Variants in ATRNL1 observed in about 807,000 individuals in gnomAD.
ATRNL1 encodes attractin like 1.
In ATRNL1, 95 loss-of-function variants were observed where a neutral mutation model predicts 182.7. The ratio of observed to expected loss-of-function variants is 0.52; its 90% CI spans 0.44 to 0.62. ATRNL1 has a LOEUF of 0.62. ATRNL1 is among the 20% of genes least tolerant of loss of function. The pLI is 0.00. For synonymous variants in ATRNL1, 576 were observed against 568.3 expected, an observed-to-expected ratio of 1.01 and a Z score of -0.19; for missense variants, 1,471 against 1,679.5, an observed-to-expected ratio of 0.88 and a Z score of 2.17.
At chr10:115,943,756 A>G (rs1487863902) in intron 28 of ATRNL1, among the ~76,000 whole-genome samples, 1 of 152,232 alleles carries the variant, frequency 6.6e-6, no homozygotes, top group East Asian at 1.9e-4. Context: ...ACAATTACCA[A>G]AAATTGGAAG....
intron 26 of ATRNL1, among the ~76,000 whole-genome samples, chr10:115,686,011 C>G (rs1946206294): frequency 1.3e-5 from 2 of 151,406 alleles, no homozygotes; most frequent in Non-Finnish European, 3.0e-5. Context: ...ACATAGAGCT[C>G]TAGAAACTTC....
At chr10:115,748,931 ATATATT>A (rs1948369331) in intron 27 of ATRNL1, among the ~76,000 whole-genome samples, 1 of 151,974 alleles carries the variant, frequency 6.6e-6, no homozygotes, top group Admixed American at 6.6e-5. Flanking sequence ...AGCTTAAATA[ATATATT>A]TATAATGATT....
intron 9 of ATRNL1, among the ~76,000 whole-genome samples, chr10:115,227,551 C>A (rs1849750281): frequency 6.6e-6 from 1 of 152,112 alleles, no homozygotes; most frequent in Admixed American, 6.6e-5. Context: ...ACCCAGCAAT[C>A]CCATTACTGG....
chr10:115,292,824 A>T (rs575251275), intron 15 of ATRNL1, among the ~76,000 whole-genome samples: 2 of 152,086 alleles, frequency 1.3e-5, no homozygotes, highest in Non-Finnish European at 2.9e-5. Flanking sequence ...GATGAAAAGT[A>T]TGTGTATTCT....
intron 27 of ATRNL1, 115 bp downstream of exon 27, chr10:115,727,470 A>T: frequency 1.3e-6 from 1 of 763,656 alleles, no homozygotes. Context: ...ACAGTTGACA[A>T]GATTCAGCTA....
intron 27 of ATRNL1, among the ~76,000 whole-genome samples, chr10:115,729,094 C>T (rs1278439861): frequency 6.6e-6 from 1 of 152,092 alleles, no homozygotes; most frequent in Non-Finnish European, 1.5e-5. Flanking sequence ...AGAAAATTCA[C>T]AAACTCAAGG....
chr10:115,541,220 T>C (rs1159645622), intron 25 of ATRNL1, among the ~76,000 whole-genome samples: 2 of 152,170 alleles, frequency 1.3e-5, no homozygotes, highest in Non-Finnish European at 2.9e-5. Context: ...TTAAGAATAG[T>C]CTGAAAACTC....
At chr10:115,930,617 A>G (rs1555121385) in intron 28 of ATRNL1, among the ~76,000 whole-genome samples, 1 of 152,218 alleles carries the variant, frequency 6.6e-6, no homozygotes, top group African/African-American at 2.4e-5. Context: ...GCACAAAGAT[A>G]TAGCCACATT....
At chr10:115,393,208 G>T (rs2134275360) in intron 19 of ATRNL1, among the ~76,000 whole-genome samples, 1 of 151,922 alleles carries the variant, frequency 6.6e-6, no homozygotes, top group East Asian at 1.9e-4. Context: ...GACTCTATCT[G>T]GTTCAAAGAT....
At chr10:115,576,341 A>C in intron 26 of ATRNL1, among the ~76,000 whole-genome samples, 1 of 151,960 alleles carries the variant, frequency 6.6e-6, no homozygotes, top group East Asian at 1.9e-4. Context: ...AGCCATGCCA[A>C]TTTATGTTTC....
At chr10:115,358,170 A>G (rs1856585263) in intron 19 of ATRNL1, among the ~76,000 whole-genome samples, 1 of 151,672 alleles carries the variant, frequency 6.6e-6, no homozygotes, top group African/African-American at 2.4e-5. Flanking sequence ...TAATGCATGA[A>G]TGCTCTCACT....
chr10:115,318,029 G>A (rs549171511), intron 18 of ATRNL1, among the ~76,000 whole-genome samples: 1 of 152,198 alleles, frequency 6.6e-6, no homozygotes, highest in South Asian at 2.1e-4. Context: ...ATTGCTGTGG[G>A]ATTGTCATAA....
intron 20 of ATRNL1, among the ~76,000 whole-genome samples, chr10:115,399,375 C>T (rs1844443462): frequency 6.6e-6 from 1 of 152,000 alleles, no homozygotes; most frequent in Non-Finnish European, 1.5e-5. Flanking sequence ...TTCAGGAATT[C>T]TGTTTCATCC....
chr10:115,365,442 T>C (rs1183578077), intron 19 of ATRNL1, among the ~76,000 whole-genome samples: 1 of 152,126 alleles, frequency 6.6e-6, no homozygotes, highest in Non-Finnish European at 1.5e-5. Context: ...TAGCGGTCTA[T>C]GAATTTTGTT....
At chr10:115,213,239 T>C (rs1426023627) in intron 8 of ATRNL1, among the ~76,000 whole-genome samples, 1 of 152,096 alleles carries the variant, frequency 6.6e-6, no homozygotes, top group African/African-American at 2.4e-5. Context: ...TCTTTTATCT[T>C]AGCAGGTAGT....
At chr10:115,325,229 C>A (rs531870898) in intron 18 of ATRNL1, among the ~76,000 whole-genome samples, 1 of 152,128 alleles carries the variant, frequency 6.6e-6, no homozygotes, top group South Asian at 2.1e-4. Flanking sequence ...TGGATGACTT[C>A]TCTTTAGTTT....
At chr10:115,373,758 T>C (rs1051029627) in intron 19 of ATRNL1, among the ~76,000 whole-genome samples, 5 of 151,936 alleles carry the variant, frequency 3.3e-5, no homozygotes, top group African/African-American at 9.7e-5. Flanking sequence ...ATTGAAATGA[T>C]TGAGTTTGTT....
intron 8 of ATRNL1, among the ~76,000 whole-genome samples, chr10:115,205,737 T>TC (rs1564819648): frequency 6.6e-6 from 1 of 152,076 alleles, no homozygotes; most frequent in Non-Finnish European, 1.5e-5. Flanking sequence ...AAACCTTACC[T>TC]CATTACAGGT....
intron 8 of ATRNL1, among the ~76,000 whole-genome samples, chr10:115,213,348 G>T (rs967398360): frequency 5.9e-5 from 9 of 152,094 alleles, no homozygotes; most frequent in Non-Finnish European, 1.3e-4. Context: ...CATATTTACT[G>T]TAAGTAGTAT....
Sources: allele counts gnomAD v4.1 joint callset (sites outside exome capture counted in the v4.1 genomes callset), GRCh38; gene constraint gnomAD v4.1.1; transcripts MANE v1.5; gene names NCBI Gene and HGNC (gene_info 2026-07-23, HGNC 2026-07-21).